RIN3: variants seen among roughly 807,000 people sequenced by gnomAD.
The protein encoded by RIN3 is Ras and Rab interactor 3.
In RIN3, 54 loss-of-function variants were observed where a neutral mutation model predicts 76.3. That is an observed-to-expected ratio of 0.71 (90% CI 0.57 to 0.89). RIN3 has a LOEUF of 0.89. Ranked by LOEUF, RIN3 falls within the 40% of genes least tolerant of loss-of-function variation. The probability of loss-of-function intolerance (pLI) is 0.00; values close to 1 mark genes in which losing one functional copy is unlikely to be tolerated. For synonymous variants in RIN3, 576 were observed against 564.0 expected (o/e 1.02, Z -0.30); for missense variants, 1,256 against 1,322.1 (o/e 0.95, Z 0.78).
intron 3 of RIN3, among the ~76,000 whole-genome samples, chr14:92,604,035 C>T (rs548082616): frequency 2.6e-5 from 4 of 152,374 alleles, no homozygotes; most frequent in South Asian, 2.1e-4. Flanking sequence ...ATGGCAACTG[C>T]GGTGTTGCTG....
At chr14:92,634,717 G>A (rs1165092467) in intron 4 of RIN3, among the ~76,000 whole-genome samples, 1 of 152,064 alleles carries the variant, frequency 6.6e-6, no homozygotes, top group Non-Finnish European at 1.5e-5. Context: ...CTTTAGCTGG[G>A]GGTGGTTGCA....
chr14:92,653,259 C>A (rs1195991079), intron 6 of RIN3, among the ~76,000 whole-genome samples, 184 bp downstream of exon 6: 2 of 152,166 alleles, frequency 1.3e-5, no homozygotes, highest in Non-Finnish European at 1.5e-5. Context: ...CCCGGCTCCC[C>A]CCCTTCCCTA....
At chr14:92,625,123 A>G (rs1162722588) in intron 4 of RIN3, among the ~76,000 whole-genome samples, 50 of 152,224 alleles carry the variant, frequency 3.3e-4, no homozygotes, top group Admixed American at 3.3e-3. Context: ...TTTGGTCTCA[A>G]AAGTGGGACT....
chr14:92,666,593 T>G (rs4904971), intron 7 of RIN3, among the ~76,000 whole-genome samples: 20,760 of 152,156 alleles, frequency 0.14, 1,592 homozygotes, highest in East Asian at 0.25. Context: ...GGATTCTTCA[T>G]GGACTTCATG....
chr14:92,613,711 G>T (rs909879684), intron 3 of RIN3, among the ~76,000 whole-genome samples: 1 of 152,118 alleles, frequency 6.6e-6, no homozygotes, highest in East Asian at 1.9e-4. Context: ...GAGGCACTGA[G>T]GGGGGAAAGG....
At chr14:92,612,879 G>T (rs531406165) in intron 3 of RIN3, among the ~76,000 whole-genome samples, 1 of 151,916 alleles carries the variant, frequency 6.6e-6, no homozygotes, top group Non-Finnish European at 1.5e-5. Context: ...AGTTCCTGCA[G>T]TAGCAGCTAA....
Position 92,579,108 on chromosome 14 carries a change from A to G in RIN3, c.367+1631A>G, listed in dbSNP as rs1393508539. Among the ~76,000 whole-genome samples, 7 of 151,684 alleles carry G rather than the reference A, an allele frequency of 4.6e-5. 1 individual carries two copies. On this transcript the variant is annotated intron_variant, in intron 3 of 9. Coordinates refer to ENST00000216487, the MANE Select transcript of RIN3 (RefSeq NM_024832.5). ...ACACCCGGCTAATTTTTGTATTTTTAGTAGAGACGGAGTTTCTCCATGTTG... is the reference window on the plus strand; with the variant it reads ...ACACCCGGCTAATTTTTGTATTTTTGGTAGAGACGGAGTTTCTCCATGTTG...
At chr14:92,684,849 T>TG (rs969045220) in intron 8 of RIN3, 138 bp from the exon 9 acceptor site, 1 of 905,696 alleles carries the variant, frequency 1.1e-6, no homozygotes, top group African/African-American at 1.7e-5. Context: ...GCTCAGCTGT[T>TG]GAAGCAGGTG....
chr14:92,617,459 A>G (rs1007304644), intron 4 of RIN3, among the ~76,000 whole-genome samples: 3 of 152,090 alleles, frequency 2.0e-5, no homozygotes, highest in Non-Finnish European at 4.4e-5. Context: ...CCCATCATTC[A>G]TAGGTTACGG....
rs2140111749 is a variant in RIN3, at chr14:92,623,142, A to G, written c.440+7663A>G. Among the ~76,000 whole-genome samples, 1 of 152,356 alleles carries G rather than the reference A, an allele frequency of 6.6e-6. No homozygotes were observed. The highest frequency in any genetic ancestry group is 3.4e-3 in the Middle Eastern group (1 of 294). On this transcript the variant is annotated intron_variant, in intron 4 of 9. Transcript: ENST00000216487. This position sits in a 1 kb window ranked among gnomAD's most constrained non-coding sequence, Gnocchi z 4.9. ...CATTTACCAAACCATTGCCCTAACC[A>G]TCCTGTGAAAGGGTCAGTTATCCCA... is the stretch of plus-strand genomic sequence containing the variant.
At chr14:92,572,196 T>G (rs951868106) in intron 2 of RIN3, among the ~76,000 whole-genome samples, 2 of 152,210 alleles carry the variant, frequency 1.3e-5, no homozygotes, top group African/African-American at 4.8e-5. Flanking sequence ...GTGGGCTTCT[T>G]CCCCTGGGGT....
chr14:92,563,179 G>T (rs548061487), intron 2 of RIN3, among the ~76,000 whole-genome samples: 51 of 152,274 alleles, frequency 3.3e-4, no homozygotes, highest in Admixed American at 3.3e-3. Flanking sequence ...GGCCAACATG[G>T]TAAAACCTCA....
At chr14:92,572,327 A>G (rs1898082365) in intron 2 of RIN3, among the ~76,000 whole-genome samples, 1 of 152,214 alleles carries the variant, frequency 6.6e-6, no homozygotes, top group Non-Finnish European at 1.5e-5. Flanking sequence ...CGGTGTTTCT[A>G]GAAGAAGGTC....
intron 2 of RIN3, 197 bp from the exon 3 acceptor site, chr14:92,577,163 G>T (rs1432089290): frequency 2.0e-6 from 1 of 505,490 alleles, no homozygotes; most frequent in Middle Eastern, 4.4e-4. Context: ...GAGCATGCAG[G>T]ATCCTCAATG....
intron 2 of RIN3, among the ~76,000 whole-genome samples, chr14:92,559,756 G>T (rs185341599): frequency 4.2e-4 from 64 of 152,342 alleles, no homozygotes; most frequent in Non-Finnish European, 7.5e-4. Flanking sequence ...GAGTCTGCTG[G>T]AGAGTAGCAG....
chr14:92,559,967 A>T (rs1257901845), intron 2 of RIN3, among the ~76,000 whole-genome samples: 1 of 152,272 alleles, frequency 6.6e-6, no homozygotes, highest in African/African-American at 2.4e-5. Context: ...TCACTGGGAC[A>T]AATGAATGAG....
intron 3 of RIN3, among the ~76,000 whole-genome samples, chr14:92,578,006 G>A (rs1595430505): frequency 6.6e-6 from 1 of 152,318 alleles, no homozygotes; most frequent in East Asian, 1.9e-4. Context: ...TCAGAAGGCA[G>A]AGGGCAGAGG....
chr14:92,520,457 T>TCC (rs1896567299), intron 1 of RIN3, among the ~76,000 whole-genome samples: 1 of 152,100 alleles, frequency 6.6e-6, no homozygotes, highest in African/African-American at 2.4e-5. Flanking sequence ...GAAGGTGGCC[T>TCC]CCATTTTGCT....
rs533649822 is a variant in RIN3 at position 92,535,767 on chromosome 14, C to T, written c.45-19984C>T. On this transcript the variant is annotated intron_variant, in intron 1 of 9. Coordinates refer to ENST00000216487, the MANE Select transcript of RIN3 (RefSeq NM_024832.5). ...TTGGCTCACTGCAACCTCCGTCTCC[C>T]GGGTTCAAGCGATTCTCCTGCCTCA... Among the ~76,000 whole-genome samples, 41 of 150,144 alleles carry T rather than the reference C, an allele frequency of 2.7e-4. 1 individual carries two copies. In the East Asian group the frequency reaches 6.7e-3, roughly 24 times the overall value.
Sources: allele counts gnomAD v4.1 joint callset (sites outside exome capture counted in the v4.1 genomes callset), GRCh38; gene constraint gnomAD v4.1.1; non-coding constraint Gnocchi (gnomAD v3.1); transcripts MANE v1.5; gene names NCBI Gene and HGNC (gene_info 2026-07-23, HGNC 2026-07-21).